ERC1: variants seen among roughly 807,000 people sequenced by gnomAD.
ERC1 encodes RAB6 interacting protein 2.
A neutral mutation model predicts 132.0 loss-of-function variants in ERC1; 56 were observed. The observed-to-expected ratio is 0.42, with a 90% CI of 0.34 to 0.53. ERC1 has a LOEUF of 0.53. Among genes scored for constraint, ERC1 ranks in the 20% least tolerant of loss-of-function variants. ERC1 has a pLI of 0.03. For missense variants in ERC1, 1,202 were observed against 1,349.9 expected (o/e 0.89, Z 1.72); for synonymous variants, 478 against 476.1 (o/e 1.00, Z -0.05).
chr12:1,392,038 T>C (rs1049077395), intron 16 of ERC1, among the ~76,000 whole-genome samples: 2 of 152,176 alleles, frequency 1.3e-5, no homozygotes, highest in African/African-American at 4.8e-5. Context: ...TCCTGATACT[T>C]CTTAAAGACA....
chr12:1,112,815 G>C (rs1352450566), intron 6 of ERC1, among the ~76,000 whole-genome samples: 1 of 152,132 alleles, frequency 6.6e-6, no homozygotes, highest in Non-Finnish European at 1.5e-5. Flanking sequence ...CTAGTAAATT[G>C]AAATTACTAA....
At chr12:1,112,434 T>A in intron 6 of ERC1, 136 bp downstream of exon 6, 3 of 584,986 alleles carry the variant, frequency 5.1e-6, no homozygotes, top group Non-Finnish European at 3.1e-6. Context: ...CTAACCAGCC[T>A]GCTCTGCTCT....
intron 18 of ERC1, among the ~76,000 whole-genome samples, chr12:1,481,818 T>C (rs951300907): frequency 1.3e-5 from 2 of 152,162 alleles, no homozygotes; most frequent in South Asian, 4.1e-4. Flanking sequence ...TTGTTATACT[T>C]CCTCCTCCAG....
intron 8 of ERC1, among the ~76,000 whole-genome samples, chr12:1,163,990 C>T (rs1358938724): frequency 6.6e-6 from 1 of 152,164 alleles, no homozygotes; most frequent in Non-Finnish European, 1.5e-5. Context: ...TGCTGGATTA[C>T]GGGCCTCAGC....
At chr12:1,169,437 G>T (rs1952817896) in intron 8 of ERC1, among the ~76,000 whole-genome samples, 3 of 152,126 alleles carry the variant, frequency 2.0e-5, no homozygotes, top group Non-Finnish European at 2.9e-5. Context: ...CTCCTCGTGG[G>T]GTTGTCAGAA....
At chr12:1,453,939 C>T (rs967995219) in intron 18 of ERC1, among the ~76,000 whole-genome samples, 7 of 151,840 alleles carry the variant, frequency 4.6e-5, no homozygotes, top group Non-Finnish European at 1.0e-4. Context: ...CTGAGTGATG[C>T]GTGTTTGTTT....
chr12:1,474,812 A>G (rs1454302718), intron 18 of ERC1, among the ~76,000 whole-genome samples: 1 of 152,158 alleles, frequency 6.6e-6, no homozygotes, highest in East Asian at 1.9e-4. Flanking sequence ...GGAGAGCCTC[A>G]TCTCTGAAAT....
At chr12:1,061,970 T>G (rs985840042) in intron 2 of ERC1, among the ~76,000 whole-genome samples, 4 of 151,050 alleles carry the variant, frequency 2.6e-5, no homozygotes, top group African/African-American at 7.3e-5. Context: ...TATGTTGTGT[T>G]TTTTTTTCTT....
intron 15 of ERC1, among the ~76,000 whole-genome samples, chr12:1,336,920 C>T (rs1162893185): frequency 6.6e-6 from 1 of 152,132 alleles, no homozygotes; most frequent in Non-Finnish European, 1.5e-5. Context: ...GCCTCAGCTT[C>T]CTCAGTAGCT....
intron 15 of ERC1, among the ~76,000 whole-genome samples, chr12:1,347,860 A>G (rs1382629134): frequency 6.6e-6 from 1 of 152,098 alleles, no homozygotes; most frequent in Non-Finnish European, 1.5e-5. Flanking sequence ...GCGCATGCCT[A>G]TAGTCCCAGC....
intron 1 of ERC1, among the ~76,000 whole-genome samples, chr12:997,895 A>G (rs896897752): frequency 1.3e-5 from 2 of 152,226 alleles, no homozygotes; most frequent in East Asian, 3.9e-4. Context: ...TAGCAAGAAC[A>G]TTTCCCAAGG....
chr12:1,066,324 T>C (rs1279982691), intron 2 of ERC1, among the ~76,000 whole-genome samples: 2 of 152,362 alleles, frequency 1.3e-5, no homozygotes, highest in East Asian at 3.9e-4. Context: ...TATGTCAGCA[T>C]TGCAAGATAG....
At chr12:1,310,251 A>G (rs1244915719) in intron 15 of ERC1, among the ~76,000 whole-genome samples, 1 of 95,594 alleles carries the variant, frequency 1.0e-5, no homozygotes, top group African/African-American at 3.9e-5. Flanking sequence ...TTTGAGGAAC[A>G]GTTTTGCTCT....
intron 18 of ERC1, among the ~76,000 whole-genome samples, chr12:1,484,172 G>A (rs2094156820): frequency 6.6e-6 from 1 of 151,940 alleles, no homozygotes; most frequent in African/African-American, 2.4e-5. Flanking sequence ...GAGCGTGGTA[G>A]CGGGCACCTG....
chr12:1,290,079 T>G (rs2079333113), intron 15 of ERC1, 67 bp downstream of exon 15: 2 of 1,381,840 alleles, frequency 1.4e-6, no homozygotes, highest in African/African-American at 2.8e-5. Context: ...CCTGCATTCA[T>G]CTTCTGGCTC....
intron 17 of ERC1, among the ~76,000 whole-genome samples, chr12:1,417,340 GC>G (rs1460605553): frequency 6.6e-6 from 1 of 151,858 alleles, no homozygotes; most frequent in East Asian, 1.9e-4. Context: ...ACCATACTCA[GC>G]AGGTCCCTTC....
At chr12:1,110,126 T>G (rs1945691765) in intron 4 of ERC1, 66 bp from the exon 5 acceptor site, 1 of 1,314,632 alleles carries the variant, frequency 7.6e-7, no homozygotes, top group Non-Finnish European at 1.0e-6. Context: ...TCTTTAAATA[T>G]CATGTTATTC....
Position 1,028,285 on chromosome 12 carries a change from C to T in ERC1, c.382C>T (p.His128Tyr). The change falls in exon 2 of 19, where the codon CAT becomes TAT. Residue 128 changes from histidine (H) to tyrosine (Y), a missense_variant. Transcript: ENST00000360905. ...TAGTGACACCATAGCATTTGGAGAG[C>T]ATCACCTCCCTCCTGTGAGTATGGC... The part of the protein sequence containing the change: ...VASDTIAFGE[H>Y]HLPPVSMAST... 1 of 1,614,156 alleles carries T rather than the reference C, an allele frequency of 6.2e-7. No individual in the cohort carries two copies. Among genetic ancestry groups the T allele is most frequent in the Non-Finnish European group, 8.5e-7 (1 of 1,180,028 alleles).
chr12:1,126,081 A>G (rs1196262872), intron 7 of ERC1, among the ~76,000 whole-genome samples: 1 of 152,240 alleles, frequency 6.6e-6, no homozygotes, highest in Non-Finnish European at 1.5e-5. Context: ...AATATACTCA[A>G]CACTACTGAA....
Sources: gnomAD v4.1 joint callset for allele counts (sites outside exome capture counted in the v4.1 genomes callset) on GRCh38, gnomAD v4.1.1 for gene constraint, MANE v1.5 for transcripts, NCBI Gene and HGNC (gene_info 2026-07-23, HGNC 2026-07-21) for gene names.